SSBP3: variants seen among roughly 807,000 people sequenced by gnomAD.
SSBP3 encodes single stranded DNA binding protein 3, also known as single-stranded DNA-binding protein 3.
Under a neutral mutation model 69.6 loss-of-function variants are expected in SSBP3, and 5 were observed. That is an observed-to-expected ratio of 0.07 (90% CI 0.04 to 0.15). The LOEUF is 0.15. SSBP3 is among the 10% of genes least tolerant of loss of function. The probability of loss-of-function intolerance (pLI) is 1.00; values close to 1 mark genes in which losing one functional copy is unlikely to be tolerated. For synonymous variants in SSBP3, 196 were observed against 193.4 expected (o/e 1.01, Z -0.11); for missense variants, 312 against 534.0 (o/e 0.58, Z 4.10).
At chr1:54,309,024 T>C (rs1645950982) in intron 4 of SSBP3, among the ~76,000 whole-genome samples, 1 of 152,214 alleles carries the variant, frequency 6.6e-6, no homozygotes, top group Admixed American at 6.5e-5. Flanking sequence ...AAAATCATAA[T>C]GCTCATCTGA....
At chr1:54,281,408 G>C (rs1200649920) in intron 5 of SSBP3, 30 bp downstream of exon 5, 1 of 1,529,818 alleles carries the variant, frequency 6.5e-7, no homozygotes. Flanking sequence ...ATACAAGGTG[G>C]AGCACAAGAC....
At chr1:54,295,455 C>T (rs1033429679) in intron 4 of SSBP3, among the ~76,000 whole-genome samples, 14 of 152,266 alleles carry the variant, frequency 9.2e-5, no homozygotes, top group African/African-American at 3.1e-4. Flanking sequence ...AGTTTCCACC[C>T]GTGTCCCTTT....
Position 54,258,123 on chromosome 1 carries a change from C to A in SSBP3, c.393G>T (p.Pro131=), listed in dbSNP as rs755860177. 3.8e-6 allele frequency: 6 copies of A among 1,596,954 alleles called. No individual in the cohort carries two copies. Among genetic ancestry groups the A allele is most frequent in the East Asian group, 4.5e-5 (2 of 44,128 alleles). ...GATTGTGAGGTGGAGGCTGTGCGTG[C>A]GGCGAGGGCTGTGACCCCGGAGGAC... is the stretch of plus-strand genomic sequence containing the variant. Residue 131 remains proline, a synonymous_variant, in exon 6 of 18, where the codon CCG becomes CCT. Coordinates refer to ENST00000610401, the Ensembl canonical transcript of SSBP3. The surrounding 1 kb of genome is among the most constrained non-coding windows in gnomAD (Gnocchi z 4.5).
In SSBP3 at chr1:54,323,566, C is replaced by T. The variant is rs138888093; in HGVS notation, c.277-42039G>A. ...CAGGTAAGGACTGCTCTTGGCCTCA[C>T]CTCACCACGCTATCTGCCTTCAGGC... is the stretch of plus-strand genomic sequence containing the variant. On this transcript the variant is annotated intron_variant, in intron 4 of 17. Transcript: ENST00000610401. 2.7e-3 allele frequency among the ~76,000 whole-genome samples: 405 copies of T among 152,314 alleles called. 4 individuals are homozygous for T. The highest frequency in any genetic ancestry group is 9.0e-3 in the African/African-American group (373 of 41,560).
intron 4 of SSBP3, among the ~76,000 whole-genome samples, chr1:54,345,986 C>CAAAAAA (rs74870023): frequency 1.5e-5 from 2 of 134,406 alleles, no homozygotes; most frequent in African/African-American, 5.5e-5. Context: ...CACAAAAATA[C>CAAAAAA]AAAAAAAAAA....
chr1:54,304,752 G>A (rs1645866918), intron 4 of SSBP3, among the ~76,000 whole-genome samples: 1 of 152,194 alleles, frequency 6.6e-6, no homozygotes, highest in East Asian at 1.9e-4. Context: ...TTGAGTTTGT[G>A]GATGCTGTCA....
intron 4 of SSBP3, among the ~76,000 whole-genome samples, chr1:54,353,780 G>A (rs554300309): frequency 3.3e-5 from 5 of 152,210 alleles, no homozygotes; most frequent in Admixed American, 6.5e-5. Context: ...ACACAAGCCA[G>A]ATAAACCCTA....
At chr1:54,330,126 A>G (rs2100443952) in intron 4 of SSBP3, among the ~76,000 whole-genome samples, 1 of 152,212 alleles carries the variant, frequency 6.6e-6, no homozygotes, top group South Asian at 2.1e-4. Context: ...ACCTGCATGG[A>G]TCCCCCGCAC....
chr1:54,254,115 G>A (rs911822278), intron 7 of SSBP3, among the ~76,000 whole-genome samples: 5 of 152,214 alleles, frequency 3.3e-5, no homozygotes, highest in East Asian at 1.9e-4. Context: ...GAAAAACAAC[G>A]GCTCATATAT....
intron 5 of SSBP3, among the ~76,000 whole-genome samples, chr1:54,279,743 C>T (rs1645357209): frequency 2.0e-5 from 3 of 152,268 alleles, no homozygotes; most frequent in Admixed American, 2.0e-4. Context: ...CTGCAGCAGC[C>T]AGGAAGATGC....
chr1:54,347,876 A>T (rs1243370599), intron 4 of SSBP3, among the ~76,000 whole-genome samples: 1 of 152,350 alleles, frequency 6.6e-6, no homozygotes, highest in Middle Eastern at 3.4e-3. Context: ...TTCAGCCTCC[A>T]GAACATTGAG....
upstream of SSBP3, among the ~76,000 whole-genome samples, chr1:54,406,862 C>T (rs1442346164): frequency 1.1e-4 from 16 of 151,618 alleles, no homozygotes; most frequent in South Asian, 2.1e-4. Flanking sequence ...CGCCGCGGCC[C>T]GCACCAGCCC....
At chr1:54,399,829 G>C (rs1264337436) in intron 4 of SSBP3, among the ~76,000 whole-genome samples, 1 of 152,096 alleles carries the variant, frequency 6.6e-6, no homozygotes, top group Non-Finnish European at 1.5e-5. Context: ...TTTTCCACTT[G>C]CTTCTCTGCT....
chr1:54,243,830 C>T (rs1644685395), intron 9 of SSBP3, among the ~76,000 whole-genome samples: 1 of 152,236 alleles, frequency 6.6e-6, no homozygotes, highest in African/African-American at 2.4e-5. Context: ...CTACCCCACC[C>T]ATGTGTCAGC....
At chr1:54,234,613 G>C (rs914028032) in intron 14 of SSBP3, among the ~76,000 whole-genome samples, 13 of 151,874 alleles carry the variant, frequency 8.6e-5, no homozygotes, top group Non-Finnish European at 1.8e-4. Flanking sequence ...AACATAATAG[G>C]ATTAATGAAA....
chr1:54,396,738 C>T (rs1190391740), intron 4 of SSBP3, among the ~76,000 whole-genome samples: 1 of 152,174 alleles, frequency 6.6e-6, no homozygotes, highest in Admixed American at 6.5e-5. Flanking sequence ...AAGACTGGTG[C>T]ACACTGCTGC....
intron 4 of SSBP3, among the ~76,000 whole-genome samples, chr1:54,358,710 C>T (rs182742008): frequency 2.0e-5 from 3 of 152,316 alleles, no homozygotes; most frequent in Admixed American, 2.0e-4. Flanking sequence ...ACGATGGATG[C>T]AAGAGAGGAT....
chr1:54,399,423 C>T (rs1649132265), intron 4 of SSBP3, among the ~76,000 whole-genome samples: 1 of 152,214 alleles, frequency 6.6e-6, no homozygotes, highest in Admixed American at 6.5e-5. Flanking sequence ...GAGTGAACAA[C>T]AAGCCTTCTC....
rs777203255 is a variant in SSBP3 at position 54,240,899 on chromosome 1, T to G, written c.856+6A>C. On this transcript the variant is annotated splice_donor_region_variant and intron_variant, in intron 13 of 17. Transcript: ENST00000610401. ...GACCCCCCACTTTCCCCTCAAGCGC[T>G]CTTACCTGCGGGACTGGGCATAATG... The G allele has an allele frequency of 8.7e-6, 14 of 1,611,950 alleles. No individual in the cohort carries two copies. Among genetic ancestry groups the G allele is most frequent in the Non-Finnish European group, 1.2e-5 (14 of 1,179,028 alleles).
Sources: allele counts gnomAD v4.1 joint callset (sites outside exome capture counted in the v4.1 genomes callset), GRCh38; gene constraint gnomAD v4.1.1; non-coding constraint Gnocchi (gnomAD v3.1); transcripts MANE v1.5; gene names NCBI Gene and HGNC (gene_info 2026-07-23, HGNC 2026-07-21).